The following ATG14 variants were observed in gnomAD, a reference collection of about 807,000 sequenced individuals.
ATG14 encodes the protein beclin 1-associated autophagy-related key regulator.
ATG14 carries 35 observed loss-of-function variants against 60.4 expected under a neutral mutation model. The ratio of observed to expected loss-of-function variants is 0.58; its 90% confidence interval spans 0.44 to 0.77. The LOEUF is 0.77. Among genes scored for constraint, ATG14 ranks in the 30% least tolerant of loss-of-function variants. ATG14 has a pLI of 0.00. For synonymous variants in ATG14, 234 were observed against 228.8 expected, an observed-to-expected ratio of 1.02 and a Z score of -0.21; for missense variants, 647 against 626.3, an observed-to-expected ratio of 1.03 and a Z score of -0.35.
In ATG14 at chr14:55,373,115, C is replaced by T. The variant is rs370073366; in HGVS notation, c.1173-3190G>A. Among the ~76,000 whole-genome samples the T allele has an allele frequency of 3.3e-4, 50 of 152,298 alleles. 1 individual carries two copies. The highest frequency in any genetic ancestry group is 1.2e-3 in the African/African-American group (50 of 41,562). On this transcript the variant is annotated intron_variant, in intron 9 of 9. Coordinates refer to ENST00000247178, the MANE Select transcript of ATG14 (RefSeq NM_014924.5). ...AAGCTAGAGACACAGCACACACAAC[C>T]AACTAGCAAAATAATTCATCCTATT...
Position 55,402,973 on chromosome 14 carries a change from A to G in ATG14, c.222-5539T>C, listed in dbSNP as rs747335443. Among the ~76,000 whole-genome samples the G allele has an allele frequency of 1.5e-3, 162 of 109,444 alleles. 3 individuals are homozygous for G. Among genetic ancestry groups the G allele is most frequent in the Non-Finnish European group, 2.5e-3 (138 of 55,008 alleles). The allele number at this position is 109,444 out of a possible 152,430, so 71.8% of individuals were successfully genotyped here. On this transcript the variant is annotated intron_variant, in intron 1 of 9. Transcript: ENST00000247178. Reference sequence around the variant, plus strand: ...TATATATATATATATATATATAAATAGCTGGGCATAGTGGTGCATGGCTAC... The same window carrying G: ...TATATATATATATATATATATAAATGGCTGGGCATAGTGGTGCATGGCTAC...
intron 5 of ATG14, among the ~76,000 whole-genome samples, chr14:55,384,840 T>C (rs1021552074): frequency 6.6e-6 from 1 of 152,220 alleles, no homozygotes; most frequent in Non-Finnish European, 1.5e-5. Context: ...CCTTCGGTAG[T>C]AGTTTCCAAA....
intron 9 of ATG14, among the ~76,000 whole-genome samples, chr14:55,373,262 T>C (rs544030887): frequency 6.6e-6 from 1 of 152,358 alleles, no homozygotes; most frequent in East Asian, 1.9e-4. Context: ...CTCATGGTGC[T>C]GCAGGGAGGT....
At chr14:55,395,695 G>A (rs1039992913) in intron 3 of ATG14, among the ~76,000 whole-genome samples, 2 of 152,112 alleles carry the variant, frequency 1.3e-5, no homozygotes, top group African/African-American at 4.8e-5. Flanking sequence ...ACAGCCCATT[G>A]TTTTTGTTTT....
At chr14:55,395,268 C>T (rs1426961723) in intron 3 of ATG14, 6 of 332,688 alleles carry the variant, frequency 1.8e-5, no homozygotes, top group African/African-American at 2.2e-5. Flanking sequence ...CAAGCGCCTG[C>T]GAGGCATAGT....
chr14:55,411,610 G>C lies in ATG14; in HGVS notation c.213C>G (p.Asp71Glu), dbSNP rs979961569. The C allele has an allele frequency of 6.2e-7, 1 of 1,608,174 alleles. No homozygotes were observed. The highest frequency in any genetic ancestry group is 1.3e-5 in the African/African-American group (1 of 74,878). Residue 71 changes from aspartate (D) to glutamate (E), a missense_variant, in exon 1 of 10, where the codon GAC becomes GAG. By Grantham distance (45) the Asp-to-Glu change is conservative. Transcript: ENST00000247178. The part of the protein sequence containing the change: ...SGDFVYFDGR[D>E]RERFIDKKER... ...CGTGGCGGCCGCCGTACCTCTCCCG[G>C]TCGCGGCCGTCGAAGTAGACGAAAT...
chr14:55,411,700 C>T lies in ATG14; in HGVS notation c.123G>A (p.Glu41=). 1.9e-6 allele frequency: 3 copies of T among 1,612,964 alleles called. No homozygotes were observed. The highest frequency in any genetic ancestry group is 2.5e-6 in the Non-Finnish European group (3 of 1,179,748). Residue 41 remains glutamate, a synonymous_variant, in exon 1 of 10, where the codon GAG becomes GAA. Transcript: ENST00000247178. Reference sequence around the variant, plus strand: ...GGGTAGTGTTGCACAGCGGGCAGCGCTCCACAGCCACGTACAGCCCCTCCG... The same window carrying T: ...GGGTAGTGTTGCACAGCGGGCAGCGTTCCACAGCCACGTACAGCCCCTCCG... ...DDAEGLYVAV[E]RCPLCNTTRR... is the part of the protein sequence containing the mutation.
intron 5 of ATG14, among the ~76,000 whole-genome samples, chr14:55,385,287 T>C (rs1393128069): frequency 3.3e-5 from 5 of 152,078 alleles, no homozygotes; most frequent in African/African-American, 7.2e-5. Flanking sequence ...GATGGTTCTC[T>C]GGTTTTTTTT....
intron 5 of ATG14, among the ~76,000 whole-genome samples, chr14:55,385,573 G>GT (rs1408744979): frequency 2.6e-5 from 4 of 152,206 alleles, no homozygotes; most frequent in Admixed American, 2.6e-4. Context: ...GATTATAGGC[G>GT]TGAGCCACCA....
Position 55,380,665 on chromosome 14 carries a change from G to A in ATG14, c.903C>T (p.Tyr301=), listed in dbSNP as rs1322786911. 6 of 1,609,926 alleles carry A rather than the reference G, an allele frequency of 3.7e-6. No homozygotes were observed. The highest frequency in any genetic ancestry group is 2.2e-5 in the East Asian group (1 of 44,652). The change falls in exon 7 of 10, where the codon TAC becomes TAT. Residue 301 remains tyrosine (Y), a synonymous_variant. Coordinates refer to ENST00000247178, the MANE Select transcript of ATG14 (RefSeq NM_014924.5). ...CATAGCACAGCGCAGCACTGATGGTGTAGGCAGGGTTACTCTGCTCCATGT... is the reference window on the plus strand; with the variant it reads ...CATAGCACAGCGCAGCACTGATGGTATAGGCAGGGTTACTCTGCTCCATGT... The part of the protein sequence containing the change: ...GPDMEQSNPA[Y]TISAALCYAT...
At chr14:55,387,081 T>C (rs113716510) in intron 4 of ATG14, among the ~76,000 whole-genome samples, 8,839 of 152,158 alleles carry the variant, frequency 0.058, 324 homozygotes, top group South Asian at 0.089. Context: ...TCACCAACAC[T>C]CTGCCTATCT....
At chr14:55,401,304 G>A (rs2065998) in intron 1 of ATG14, among the ~76,000 whole-genome samples, 16,541 of 151,548 alleles carry the variant, frequency 0.11, 2,519 homozygotes, top group African/African-American at 0.34. Context: ...AGGGAAATTG[G>A]CCATTTTTAT....
At chr14:55,383,156 G>A (rs187173176) in intron 5 of ATG14, among the ~76,000 whole-genome samples, 11 of 152,266 alleles carry the variant, frequency 7.2e-5, no homozygotes, top group African/African-American at 2.2e-4. Context: ...CCTTACGCAC[G>A]CGTCCCATGC....
At position 55,378,080 on chromosome 14, in the gene ATG14, A is replaced by G; in HGVS notation, c.996-6T>C. ...GATTTTCGCCACAAAATTCACTGTA[A>G]AACAAACATACAATTTATAAAGTTG... is the stretch of plus-strand genomic sequence containing the variant. On this transcript the variant is annotated splice_polypyrimidine_tract_variant and splice_region_variant and intron_variant, in intron 7 of 9. Coordinates refer to ENST00000247178, the MANE Select transcript of ATG14 (RefSeq NM_014924.5). 6.2e-7 allele frequency: 1 copy of G among 1,610,014 alleles called. No individual in the cohort carries two copies. The highest frequency in any genetic ancestry group is 8.5e-7 in the Non-Finnish European group (1 of 1,177,986).
rs1220811002 is a variant in ATG14, at chr14:55,368,627, AAG to A, written c.*990_*991del. The A allele has an allele frequency of 6.6e-6, 1 of 152,110 alleles. No homozygotes were observed. The highest frequency in any genetic ancestry group is 1.5e-5 in the Non-Finnish European group (1 of 68,064). The allele number at this position is 152,110 out of a possible 1,614,324, so 9.4% of individuals were successfully genotyped here. ...GCAAAGCTGTGTCCTCAGAGCAACA[AAG>A]AGTTCGGGGAAACAAGTAGGATGGT... is the stretch of plus-strand genomic sequence containing the variant. On this transcript the variant is annotated 3_prime_UTR_variant, in exon 10 of 10. Coordinates refer to ENST00000247178, the MANE Select transcript of ATG14 (RefSeq NM_014924.5).
chr14:55,404,479 A>C (rs963106467), intron 1 of ATG14, among the ~76,000 whole-genome samples: 7 of 152,258 alleles, frequency 4.6e-5, no homozygotes, highest in Non-Finnish European at 8.8e-5. Context: ...AGCAACAGGA[A>C]GTGGCAAATC....
intron 5 of ATG14, among the ~76,000 whole-genome samples, chr14:55,384,193 C>T (rs1008239939): frequency 6.6e-6 from 1 of 152,172 alleles, no homozygotes; most frequent in Admixed American, 6.5e-5. Flanking sequence ...CATATAATAA[C>T]ATACACTAAA....
intron 1 of ATG14, among the ~76,000 whole-genome samples, chr14:55,401,616 T>C (rs1290638990): frequency 6.6e-6 from 1 of 152,224 alleles, no homozygotes; most frequent in African/African-American, 2.4e-5. Context: ...CTTTGTTGTT[T>C]CATAAATTCT....
intron 1 of ATG14, among the ~76,000 whole-genome samples, chr14:55,408,916 C>T (rs764456587): frequency 1.3e-5 from 2 of 152,146 alleles, no homozygotes; most frequent in Non-Finnish European, 2.9e-5. Flanking sequence ...CATGAGGCTT[C>T]GTATGCCATA....
Sources: allele counts gnomAD v4.1 joint callset (sites outside exome capture counted in the v4.1 genomes callset), GRCh38; gene constraint gnomAD v4.1.1; transcripts MANE v1.5; gene names NCBI Gene and HGNC (gene_info 2026-07-23, HGNC 2026-07-21).